Variants in PXDN observed in about 807,000 individuals in gnomAD.
PXDN encodes peroxidasin homolog.
Under a neutral mutation model 140.3 loss-of-function variants are expected in PXDN, and 77 were observed. That is an observed-to-expected ratio of 0.55 (90% CI 0.46 to 0.66). The LOEUF (loss-of-function observed/expected upper bound fraction) is 0.66. Ranked by LOEUF, PXDN falls within the 30% of genes least tolerant of loss-of-function variation. The pLI is 0.00. For missense variants in PXDN, 1,838 were observed against 2,039.5 expected, an observed-to-expected ratio of 0.90 and a Z score of 1.90; for synonymous variants, 911 against 857.4, an observed-to-expected ratio of 1.06 and a Z score of -1.09.
Position 1,639,325 on chromosome 2 carries a change from T to C in PXDN, c.4050A>G (p.Lys1350=), listed in dbSNP as rs764604054. The change falls in exon 20 of 23, where the codon AAA becomes AAG. Residue 1350 remains lysine (K), a synonymous_variant. Coordinates refer to ENST00000252804, the MANE Select transcript of PXDN (RefSeq NM_012293.3). The surrounding 1 kb of genome is among the most constrained non-coding windows in gnomAD (Gnocchi z 5.0). ...ACCTGGGTATTTTCCGTGGTCTTGT[T>C]TTCTTGGTCGGCTTGTCCTCCTGGT... ...FSYQEDKPTK[K]TRPRKIPSVG... 6.2e-6 allele frequency: 10 copies of C among 1,613,778 alleles called. No homozygotes were observed. The highest frequency in any genetic ancestry group is 8.5e-6 in the Non-Finnish European group (10 of 1,179,830).
At chr2:1,727,668 T>A (rs1327358433) in intron 1 of PXDN, among the ~76,000 whole-genome samples, 1 of 152,154 alleles carries the variant, frequency 6.6e-6, no homozygotes, top group South Asian at 2.1e-4. Context: ...ACACCACAGG[T>A]CAGTGGAGTC....
intron 8 of PXDN, chr2:1,676,709 G>C (rs1390689040): frequency 5.0e-6 from 3 of 604,760 alleles, no homozygotes; most frequent in South Asian, 1.9e-5. Flanking sequence ...TGCTGCCCAG[G>C]AGAGAGTGGG....
intron 6 of PXDN, 87 bp from the exon 7 acceptor site, chr2:1,680,449 C>T (rs575160381): frequency 2.4e-5 from 37 of 1,513,306 alleles, no homozygotes; most frequent in Non-Finnish European, 3.0e-5. Context: ...GGTCCCGCGT[C>T]GGGAAACATG....
chr2:1,702,013 C>T (rs1684447031), intron 1 of PXDN, among the ~76,000 whole-genome samples: 1 of 152,078 alleles, frequency 6.6e-6, no homozygotes, highest in Admixed American at 6.5e-5. Flanking sequence ...TACAGGCTGC[C>T]CCGCCTATGG....
chr2:1,744,240 C>A lies in PXDN; in HGVS notation c.200+16G>T. ...GCCCCGGACCCCGCGCCCCCGGCGT[C>A]CCCCGCGGCACTCACAGGATGGAGG... On this transcript the variant is annotated intron_variant, in intron 1 of 22. Coordinates refer to ENST00000252804, the MANE Select transcript of PXDN (RefSeq NM_012293.3). 1.4e-6 allele frequency: 2 copies of A among 1,475,800 alleles called. No homozygotes were observed. Among genetic ancestry groups the A allele is most frequent in the East Asian group, 2.8e-5 (1 of 35,378 alleles). 91.4% of individuals were successfully genotyped at this position (1,475,800 alleles called of 1,614,324 possible).
In PXDN at chr2:1,666,441, A is replaced by G. The variant is rs1316414351; in HGVS notation, c.1064T>C (p.Val355Ala). ...GCACTCCAGCGTGACGCTCTCCCCA[A>G]CCAGCACCTCTGTATTCTGTGGCTG... is the stretch of plus-strand genomic sequence containing the variant. ...VIQPQNTEVL[V>A]GESVTLECSA... Residue 355 changes from valine (V) to alanine (A), a missense_variant, in exon 10 of 23, where the codon GTT becomes GCT. Val to Ala is a moderately conservative substitution (Grantham distance 64). Coordinates refer to ENST00000252804, the MANE Select transcript of PXDN (RefSeq NM_012293.3). The G allele has an allele frequency of 6.2e-7, 1 of 1,612,814 alleles. No individual in the cohort carries two copies. The highest frequency in any genetic ancestry group is 8.5e-7 in the Non-Finnish European group (1 of 1,179,160).
chr2:1,705,773 A>G (rs1318104796), intron 1 of PXDN, among the ~76,000 whole-genome samples: 21 of 114,664 alleles, frequency 1.8e-4, no homozygotes, highest in Admixed American at 3.5e-4. Flanking sequence ...GGGACACAGG[A>G]TGCAGGGTGC....
intron 3 of PXDN, among the ~76,000 whole-genome samples, chr2:1,689,438 T>G (rs1684136971): frequency 6.6e-6 from 1 of 152,218 alleles, no homozygotes; most frequent in South Asian, 2.1e-4. Flanking sequence ...AACTAACATG[T>G]GTGAATGTGT....
Position 1,639,205 on chromosome 2 carries a change from C to T in PXDN, c.4073+97G>A. On this transcript the variant is annotated intron_variant, in intron 20 of 22. Transcript: ENST00000252804. This position sits in a 1 kb window ranked among gnomAD's most constrained non-coding sequence, Gnocchi z 5.0. ...TGGGACGTCCCTGCCAGGAACCATC[C>T]TCGCCACAGGCCCACAGCAGGATGC... 1 of 1,529,856 alleles carries T rather than the reference C, an allele frequency of 6.5e-7. No homozygotes were observed. 94.8% of individuals were successfully genotyped at this position (1,529,856 alleles called of 1,614,324 possible).
chr2:1,677,113 G>A (rs773912021), intron 7 of PXDN, 69 bp from the exon 8 acceptor site: 154 of 1,351,708 alleles, frequency 1.1e-4, no homozygotes, highest in Non-Finnish European at 1.4e-4. Context: ...GACAACACAC[G>A]CTGAGTTCTC....
At chr2:1,634,447 C>A (rs1252630243) in intron 22 of PXDN, 124 bp from the exon 23 acceptor site, 1 of 1,251,042 alleles carries the variant, frequency 8.0e-7, no homozygotes, top group Admixed American at 2.7e-5. Context: ...GAGGCCCCTG[C>A]CTTGCCCGCT....
chr2:1,696,664 T>C (rs775759100), intron 1 of PXDN, among the ~76,000 whole-genome samples: 13 of 152,166 alleles, frequency 8.5e-5, no homozygotes, highest in Non-Finnish European at 1.2e-4. Context: ...TGTGTGTGTG[T>C]TTACATTTTC....
intron 13 of PXDN, among the ~76,000 whole-genome samples, chr2:1,661,788 C>A (rs1234604103): frequency 2.6e-5 from 4 of 152,052 alleles, no homozygotes; most frequent in African/African-American, 7.2e-5. Context: ...TTGAAAAGAT[C>A]AAAAAAATGG....
Position 1,649,178 on chromosome 2 carries a change from G to C in PXDN, c.2602C>G (p.Arg868Gly), listed in dbSNP as rs1276523567. 6.2e-7 allele frequency: 1 copy of C among 1,609,442 alleles called. No homozygotes were observed. Among genetic ancestry groups the C allele is most frequent in the East Asian group, 2.3e-5 (1 of 44,324 alleles). The change falls in exon 17 of 23, where the codon CGG becomes GGG. Residue 868 changes from arginine (R) to glycine (G), a missense_variant. Physicochemically the swap from Arg to Gly is moderately radical, Grantham distance 125 (BLOSUM62 -2). Transcript: ENST00000252804. The surrounding 1 kb of genome is among the most constrained non-coding windows in gnomAD (Gnocchi z 7.1). ...ATGCAGCGGGCCCCGCTCCTGGCCC[G>C]GGAGTCATTGGGGGGGATCATGACA... is the stretch of plus-strand genomic sequence containing the variant. ...FSVMIPPNDSRARSGARCMFF... is the reference protein window; with the variant it reads ...FSVMIPPNDSGARSGARCMFF...
intron 3 of PXDN, among the ~76,000 whole-genome samples, chr2:1,690,648 C>CAA (rs35970382): frequency 0.029 from 1,980 of 68,344 alleles, 19 homozygotes; most frequent in South Asian, 0.058. Context: ...TTCAAAATAC[C>CAA]AAAAAAAAAA....
Position 1,639,556 on chromosome 2 carries a change from C to A in PXDN, c.3953-134G>T, listed in dbSNP as rs1682665624. 3 of 1,319,576 alleles carry A rather than the reference C, an allele frequency of 2.3e-6. No individual in the cohort carries two copies. Among genetic ancestry groups the A allele is most frequent in the South Asian group, 1.4e-5 (1 of 74,050 alleles). The allele number at this position is 1,319,576 out of a possible 1,614,324, so 81.7% of individuals were successfully genotyped here. On this transcript the variant is annotated intron_variant, in intron 19 of 22. Transcript: ENST00000252804. The surrounding 1 kb of genome is among the most constrained non-coding windows in gnomAD (Gnocchi z 5.0). ...CTGTGGCACATTTCAGTGAGGCAAC[C>A]TGGCAGCTGGTCTGCGGCTCTTACC...
intron 1 of PXDN, among the ~76,000 whole-genome samples, chr2:1,703,033 GGGGGGCAGCTCCAGGTGA>G (rs1684477248): frequency 3.4e-5 from 2 of 59,208 alleles, no homozygotes; most frequent in Admixed American, 1.7e-4. Flanking sequence ...CCAGGTGAAG[GGGGGGCAGCTCCAGGTGA>G]AGGGAGGGCA....
intron 1 of PXDN, among the ~76,000 whole-genome samples, chr2:1,698,791 A>G (rs1182460611): frequency 6.6e-6 from 1 of 152,198 alleles, no homozygotes; most frequent in Non-Finnish European, 1.5e-5. Context: ...GGGAACGTCG[A>G]CGCCAACACA....
chr2:1,647,749 T>C (rs1309443256), intron 17 of PXDN, among the ~76,000 whole-genome samples: 1 of 152,210 alleles, frequency 6.6e-6, no homozygotes, highest in Non-Finnish European at 1.5e-5. Flanking sequence ...GCTCTGCCTC[T>C]CTCTCTGCCC....
Sources: allele counts gnomAD v4.1 joint callset (sites outside exome capture counted in the v4.1 genomes callset), GRCh38; gene constraint gnomAD v4.1.1; non-coding constraint Gnocchi (gnomAD v3.1); transcripts MANE v1.5; gene names NCBI Gene and HGNC (gene_info 2026-07-23, HGNC 2026-07-21).